The following KSR2 variants were observed in gnomAD, a reference collection of about 807,000 sequenced individuals.
KSR2 encodes kinase suppressor of ras 2.
In KSR2, 25 loss-of-function variants were observed where a neutral mutation model predicts 107.8. The observed-to-expected ratio is 0.23, with a 90% confidence interval of 0.17 to 0.32. The LOEUF is 0.32. Among genes scored for constraint, KSR2 ranks in the 10% least tolerant of loss-of-function variants. The pLI, the probability that KSR2 is intolerant of heterozygous loss-of-function variation, is 1.00. For missense variants in KSR2, 887 were observed against 1,268.9 expected (o/e 0.70, Z 4.57); for synonymous variants, 480 against 507.0 (o/e 0.95, Z 0.71).
At chr12:117,554,611 T>A (rs574000970) in intron 9 of KSR2, among the ~76,000 whole-genome samples, 1 of 152,292 alleles carries the variant, frequency 6.6e-6, no homozygotes, top group South Asian at 2.1e-4. Flanking sequence ...ATTCTCGTGA[T>A]GGGGAATAAG....
chr12:117,852,488 C>A (rs1892963059), intron 3 of KSR2, among the ~76,000 whole-genome samples: 6 of 151,916 alleles, frequency 3.9e-5, no homozygotes, highest in Admixed American at 3.9e-4. Context: ...TCTCGCACAG[C>A]CTAGAATGTC....
intron 4 of KSR2, among the ~76,000 whole-genome samples, chr12:117,700,047 A>ATT (rs111936904): frequency 0.4 from 58,592 of 147,958 alleles, 13,521 homozygotes; most frequent in South Asian, 0.55. Flanking sequence ...TAATTTTGGT[A>ATT]CTTTTTTTTT....
chr12:117,555,421 G>T, intron 8 of KSR2, 128 bp from the exon 9 acceptor site: 1 of 867,760 alleles, frequency 1.2e-6, no homozygotes, highest in Non-Finnish European at 1.8e-6. Flanking sequence ...CACTAAAAGT[G>T]ATAATGATTC....
At chr12:117,790,185 G>A (rs1228310701) in intron 3 of KSR2, among the ~76,000 whole-genome samples, 1 of 152,184 alleles carries the variant, frequency 6.6e-6, no homozygotes, top group Non-Finnish European at 1.5e-5. Context: ...CCAAGGTTAA[G>A]GACGTGCCTG....
intron 1 of KSR2, among the ~76,000 whole-genome samples, chr12:117,883,854 C>T (rs955262871): frequency 4.7e-5 from 6 of 127,734 alleles, no homozygotes; most frequent in South Asian, 2.4e-4. Flanking sequence ...CCAGCCTGGG[C>T]GACAGAGCAA....
intron 5 of KSR2, among the ~76,000 whole-genome samples, chr12:117,622,757 T>G (rs901818608): frequency 5.3e-5 from 8 of 152,190 alleles, no homozygotes; most frequent in Non-Finnish European, 1.2e-4. Context: ...CTTTTAGGAA[T>G]AAGAAGAGAT....
chr12:117,646,664 C>T lies in KSR2; in HGVS notation c.1171+20810G>A, dbSNP rs376652603. Among the ~76,000 whole-genome samples the T allele has an allele frequency of 5.3e-5, 8 of 152,290 alleles. No homozygotes were observed. In the East Asian group the frequency reaches 7.7e-4, roughly 15 times the overall value. On this transcript the variant is annotated intron_variant, in intron 5 of 19. Transcript: ENST00000339824. ...AGGCTTGTCATGATGGAGTCAGCAT[C>T]GAGTTTCTTCTGAAGGGGCGCACCA...
At chr12:117,545,355 T>A (rs754670704) in intron 9 of KSR2, among the ~76,000 whole-genome samples, 2 of 152,204 alleles carry the variant, frequency 1.3e-5, no homozygotes, top group Non-Finnish European at 2.9e-5. Flanking sequence ...TGGAAGAGAT[T>A]GTGTACAGTT....
intron 3 of KSR2, among the ~76,000 whole-genome samples, chr12:117,792,117 G>A (rs573194220): frequency 2.6e-5 from 4 of 152,060 alleles, no homozygotes; most frequent in Non-Finnish European, 5.9e-5. Flanking sequence ...CAGGTAGATC[G>A]CTTGAGCTCA....
Position 117,725,088 on chromosome 12 carries a change from A to T in KSR2, c.986+35923T>A, listed in dbSNP as rs568334441. Among the ~76,000 whole-genome samples, 375 of 149,268 alleles carry T rather than the reference A, an allele frequency of 2.5e-3. 1 individual carries two copies. The highest frequency in any genetic ancestry group is 0.016 in the South Asian group (72 of 4,634). On this transcript the variant is annotated intron_variant, in intron 4 of 19. Coordinates refer to ENST00000339824, the MANE Select transcript of KSR2 (RefSeq NM_173598.6). ...CCCTCTCTCTCTCTCTCTCTCTCACACACACACACACACACACACACACAC... is the reference window on the plus strand; with the variant it reads ...CCCTCTCTCTCTCTCTCTCTCTCACTCACACACACACACACACACACACAC...
intron 14 of KSR2, among the ~76,000 whole-genome samples, chr12:117,498,287 A>G (rs1873165243): frequency 6.6e-6 from 1 of 151,670 alleles, no homozygotes; most frequent in African/African-American, 2.4e-5. Flanking sequence ...CCCCATTCCA[A>G]CTCTAGGCCT....
intron 3 of KSR2, among the ~76,000 whole-genome samples, chr12:117,772,340 A>T (rs145087886): frequency 0.015 from 2,145 of 138,412 alleles, 24 homozygotes; most frequent in Middle Eastern, 0.027. Flanking sequence ...ACACATACAC[A>T]CCATTCCCCC....
intron 3 of KSR2, among the ~76,000 whole-genome samples, chr12:117,800,087 C>A (rs1225918950): frequency 1.3e-5 from 2 of 152,214 alleles, no homozygotes; most frequent in Non-Finnish European, 2.9e-5. Flanking sequence ...AGAACATCAA[C>A]CTTTCTGAAG....
chr12:117,772,553 G>A (rs2136918478), intron 3 of KSR2, among the ~76,000 whole-genome samples: 2 of 111,210 alleles, frequency 1.8e-5, no homozygotes, highest in East Asian at 6.0e-4. Context: ...TTCCACCAAA[G>A]ACGCACAAAC....
chr12:117,867,219 G>A (rs566871418), intron 1 of KSR2, among the ~76,000 whole-genome samples: 47 of 152,204 alleles, frequency 3.1e-4, no homozygotes, highest in Non-Finnish European at 2.6e-4. Flanking sequence ...AGGAGGCTGA[G>A]GTGGGAGGAT....
At chr12:117,909,107 T>G (rs1394211664) in intron 1 of KSR2, among the ~76,000 whole-genome samples, 1 of 152,164 alleles carries the variant, frequency 6.6e-6, no homozygotes, top group Non-Finnish European at 1.5e-5. Context: ...TCTTTGAACT[T>G]CAGGGTCCCA....
At chr12:117,785,414 C>CA (rs374881532) in intron 3 of KSR2, among the ~76,000 whole-genome samples, 6,893 of 37,358 alleles carry the variant, frequency 0.18, 2,492 homozygotes, top group Non-Finnish European at 0.31. Flanking sequence ...GACTCCATCT[C>CA]AAAAAAAAAA....
intron 14 of KSR2, among the ~76,000 whole-genome samples, chr12:117,511,171 T>A (rs1565878174): frequency 1.3e-5 from 2 of 152,226 alleles, no homozygotes; most frequent in Non-Finnish European, 2.9e-5. Context: ...AAACCAAGCA[T>A]TCCCCTACAG....
At chr12:117,474,476 T>G (rs1871653935) in intron 17 of KSR2, among the ~76,000 whole-genome samples, 1 of 152,048 alleles carries the variant, frequency 6.6e-6, no homozygotes. Flanking sequence ...AGACTGTCTC[T>G]GTAACATCTC....
Sources: allele counts gnomAD v4.1 joint callset (sites outside exome capture counted in the v4.1 genomes callset), GRCh38; gene constraint gnomAD v4.1.1; transcripts MANE v1.5; gene names NCBI Gene and HGNC (gene_info 2026-07-23, HGNC 2026-07-21).